The following NYAP2 variants were observed in gnomAD, a reference collection of about 807,000 sequenced individuals.
NYAP2 encodes neuronal tyrosine-phosphorylated phosphoinositide-3-kinase adapter 2.
NYAP2 carries 23 observed loss-of-function variants against 50.4 expected under a neutral mutation model. The observed-to-expected ratio is 0.46, with a 90% CI of 0.33 to 0.65. NYAP2 has a LOEUF of 0.65. Among genes scored for constraint, NYAP2 ranks in the 30% least tolerant of loss-of-function variants. The pLI is 0.02. For synonymous variants in NYAP2, 394 were observed against 365.2 expected (o/e 1.08, Z -0.90); for missense variants, 885 against 861.0 (o/e 1.03, Z -0.35).
At chr2:225,646,685 C>T (rs1214461459) in intron 6 of NYAP2, among the ~76,000 whole-genome samples, 3 of 152,228 alleles carry the variant, frequency 2.0e-5, no homozygotes, top group African/African-American at 7.2e-5. Context: ...TCTATCCCTG[C>T]ATATGGAGTC....
chr2:225,525,815 T>C (rs1383862786), intron 4 of NYAP2, among the ~76,000 whole-genome samples: 2 of 152,192 alleles, frequency 1.3e-5, no homozygotes, highest in Middle Eastern at 3.2e-3. Context: ...ATACTCACCA[T>C]ATGTGGTAGG....
At chr2:225,589,853 G>A (rs1237957520) in intron 5 of NYAP2, among the ~76,000 whole-genome samples, 1 of 152,114 alleles carries the variant, frequency 6.6e-6, no homozygotes, top group Non-Finnish European at 1.5e-5. Context: ...GGAGTCTATA[G>A]TCTTGGATCT....
chr2:225,492,488 T>C (rs1033245479), intron 3 of NYAP2, among the ~76,000 whole-genome samples: 2 of 152,186 alleles, frequency 1.3e-5, no homozygotes, highest in African/African-American at 4.8e-5. Context: ...ACATAAGAAA[T>C]GTATTTGGCA....
At chr2:225,553,036 C>T (rs940061097) in intron 4 of NYAP2, among the ~76,000 whole-genome samples, 14 of 152,168 alleles carry the variant, frequency 9.2e-5, no homozygotes, top group African/African-American at 3.4e-4. Flanking sequence ...TTTGTTATAG[C>T]AGCCAACACA....
chr2:225,473,870 A>G (rs551736284), intron 3 of NYAP2, among the ~76,000 whole-genome samples: 134 of 152,238 alleles, frequency 8.8e-4, no homozygotes, highest in Admixed American at 2.7e-3. Context: ...TGCTTTAGAC[A>G]TGAAGTCCTT....
intron 5 of NYAP2, among the ~76,000 whole-genome samples, chr2:225,620,419 AC>A (rs1435659499): frequency 1.7e-4 from 5 of 30,154 alleles, no homozygotes; most frequent in South Asian, 1.9e-3. Context: ...GCACACATGC[AC>A]GCACACGCAC....
intron 5 of NYAP2, among the ~76,000 whole-genome samples, chr2:225,587,537 G>A (rs1692410341): frequency 6.6e-6 from 1 of 152,138 alleles, no homozygotes; most frequent in South Asian, 2.1e-4. Context: ...AATGCTAACA[G>A]GACTTGATCC....
At chr2:225,441,658 C>T (rs1178732031) in intron 3 of NYAP2, among the ~76,000 whole-genome samples, 2 of 152,038 alleles carry the variant, frequency 1.3e-5, no homozygotes, top group African/African-American at 4.8e-5. Flanking sequence ...CCCTTTTAAG[C>T]CATCAGATTG....
At chr2:225,402,710 G>T (rs1171070331) in intron 2 of NYAP2, among the ~76,000 whole-genome samples, 2 of 151,976 alleles carry the variant, frequency 1.3e-5, no homozygotes, top group African/African-American at 4.8e-5. Flanking sequence ...AAGCTTTCTT[G>T]GTTGTAGCTT....
At chr2:225,623,839 A>C (rs1693165532) in intron 5 of NYAP2, among the ~76,000 whole-genome samples, 1 of 152,254 alleles carries the variant, frequency 6.6e-6, no homozygotes, top group Admixed American at 6.5e-5. Flanking sequence ...CTGTAAAAGC[A>C]ACTCTTAAAT....
the NYAP2 span, among the ~76,000 whole-genome samples, chr2:225,672,656 T>C: frequency 1.3e-5 from 2 of 152,160 alleles, no homozygotes; most frequent in African/African-American, 2.4e-5. Context: ...ACTTGCCTTC[T>C]TCACTAAGCT....
At chr2:225,522,323 T>C (rs1218188204) in intron 4 of NYAP2, among the ~76,000 whole-genome samples, 1 of 152,190 alleles carries the variant, frequency 6.6e-6, no homozygotes, top group Non-Finnish European at 1.5e-5. Context: ...ACTGTCTCTT[T>C]ACAAAGCCAT....
At chr2:225,451,807 T>C (rs547404793) in intron 3 of NYAP2, among the ~76,000 whole-genome samples, 75 of 152,342 alleles carry the variant, frequency 4.9e-4, no homozygotes, top group African/African-American at 1.7e-3. Flanking sequence ...CATTTGTACA[T>C]TCATTCAACA....
chr2:225,596,713 A>G (rs1370730625), intron 5 of NYAP2, among the ~76,000 whole-genome samples: 2 of 152,246 alleles, frequency 1.3e-5, no homozygotes, highest in African/African-American at 4.8e-5. Flanking sequence ...ACAGTAGTTA[A>G]GATATTTAGG....
At chr2:225,445,393 A>C (rs1689536922) in intron 3 of NYAP2, among the ~76,000 whole-genome samples, 1 of 151,866 alleles carries the variant, frequency 6.6e-6, no homozygotes, top group African/African-American at 2.4e-5. Context: ...ATTGAACATA[A>C]AAGTGGCTCT....
At chr2:225,510,063 A>G (rs1006499341) in intron 3 of NYAP2, among the ~76,000 whole-genome samples, 1 of 152,208 alleles carries the variant, frequency 6.6e-6, no homozygotes, top group African/African-American at 2.4e-5. Context: ...CTTCTCTGCC[A>G]GGAGAAAAAG....
chr2:225,686,405 G>A, the NYAP2 span, among the ~76,000 whole-genome samples: 8 of 151,954 alleles, frequency 5.3e-5, no homozygotes, highest in Non-Finnish European at 1.2e-4. Context: ...CCTTTTTCAC[G>A]GGTGAAGACT....
At chr2:225,513,157 C>T (rs906013612) in intron 3 of NYAP2, among the ~76,000 whole-genome samples, 1 of 152,120 alleles carries the variant, frequency 6.6e-6, no homozygotes, top group African/African-American at 2.4e-5. Context: ...GATAAGTGTT[C>T]TATGCAGTAT....
intron 6 of NYAP2, among the ~76,000 whole-genome samples, chr2:225,640,420 C>T (rs952985952): frequency 1.3e-5 from 2 of 152,168 alleles, no homozygotes; most frequent in African/African-American, 4.8e-5. Context: ...TCAGTGAGAA[C>T]ACTATGAGGT....
Sources: allele counts gnomAD v4.1 joint callset (sites outside exome capture counted in the v4.1 genomes callset), GRCh38; gene constraint gnomAD v4.1.1; transcripts MANE v1.5; gene names NCBI Gene and HGNC (gene_info 2026-07-23, HGNC 2026-07-21).